The following MED27 variants were observed in gnomAD, a reference collection of about 807,000 sequenced individuals.
MED27 encodes mediator of RNA polymerase II transcription subunit 27.
A neutral mutation model predicts 38.2 loss-of-function variants in MED27; 30 were observed. The ratio of observed to expected loss-of-function variants is 0.79; its 90% CI spans 0.59 to 1.07. The LOEUF (loss-of-function observed/expected upper bound fraction) is 1.07, where lower values mean the gene tolerates loss of function less well. Among genes scored for constraint, MED27 ranks in the 50% least tolerant of loss-of-function variants. The probability of loss-of-function intolerance (pLI) is 0.00; values close to 1 mark genes in which losing one functional copy is unlikely to be tolerated. For synonymous variants in MED27, 122 were observed against 153.5 expected, an observed-to-expected ratio of 0.79 and a Z score of 1.52; for missense variants, 289 against 397.5, an observed-to-expected ratio of 0.73 and a Z score of 2.32.
intron 3 of MED27, among the ~76,000 whole-genome samples, chr9:131,985,417 T>TC (rs1472524894): frequency 6.6e-6 from 1 of 152,234 alleles, no homozygotes; most frequent in African/African-American, 2.4e-5. Flanking sequence ...TATAACACAG[T>TC]CAAGTGTCGC....
chr9:132,019,611 C>T (rs1443397934), intron 2 of MED27, among the ~76,000 whole-genome samples: 3 of 152,190 alleles, frequency 2.0e-5, no homozygotes, highest in Admixed American at 2.0e-4. Context: ...CCAATCTTCC[C>T]CCCTACCCAC....
chr9:132,007,529 G>A (rs576874227), intron 3 of MED27, among the ~76,000 whole-genome samples: 2 of 152,276 alleles, frequency 1.3e-5, no homozygotes, highest in East Asian at 1.9e-4. Flanking sequence ...TATCAGAACA[G>A]TAGTTGCCTG....
chr9:131,935,382 C>T (rs777025551), intron 4 of MED27, among the ~76,000 whole-genome samples: 2 of 152,100 alleles, frequency 1.3e-5, no homozygotes, highest in Non-Finnish European at 2.9e-5. Flanking sequence ...AAAATAAAAA[C>T]TTTCAAAACA....
At chr9:131,935,235 T>A (rs1179913651) in intron 4 of MED27, among the ~76,000 whole-genome samples, 1 of 152,152 alleles carries the variant, frequency 6.6e-6, no homozygotes, top group Non-Finnish European at 1.5e-5. Flanking sequence ...AATTGGATAA[T>A]TCATAAAACA....
chr9:131,975,456 G>A (rs1288728482), intron 3 of MED27, among the ~76,000 whole-genome samples: 1 of 152,186 alleles, frequency 6.6e-6, no homozygotes, highest in African/African-American at 2.4e-5. Flanking sequence ...TTCTCATCTT[G>A]TTTCTGCTTC....
intron 4 of MED27, among the ~76,000 whole-genome samples, chr9:131,914,043 T>C (rs1158927233): frequency 6.6e-6 from 1 of 152,222 alleles, no homozygotes; most frequent in Non-Finnish European, 1.5e-5. Flanking sequence ...AATAATGTGA[T>C]AAAATTATAT....
rs1427941006 is a variant in MED27 at position 131,889,158 on chromosome 9, G to A, written c.681+4727C>T. Among the ~76,000 whole-genome samples the A allele has an allele frequency of 1.3e-5, 2 of 152,032 alleles. No homozygotes were observed. Among genetic ancestry groups the A allele is most frequent in the Non-Finnish European group, 2.9e-5 (2 of 67,992 alleles). ...ATCAGATTCAGCTCCCCACCCCCTC[G>A]ACCCACATGCACACACACAGCCAAC... is the stretch of plus-strand genomic sequence containing the variant. On this transcript the variant is annotated intron_variant, in intron 5 of 7. Transcript: ENST00000292035. The surrounding 1 kb of genome is among the most constrained non-coding windows in gnomAD (Gnocchi z 4.2).
At chr9:132,040,704 C>T (rs548944135) in intron 2 of MED27, among the ~76,000 whole-genome samples, 8 of 152,320 alleles carry the variant, frequency 5.3e-5, no homozygotes, top group African/African-American at 1.2e-4. Flanking sequence ...ACAAAGTGCT[C>T]GGCTCCACCA....
intron 3 of MED27, among the ~76,000 whole-genome samples, chr9:132,011,332 C>A (rs770059294): frequency 1.4e-4 from 22 of 152,102 alleles, no homozygotes; most frequent in Non-Finnish European, 3.2e-4. Flanking sequence ...TTTCAGATAA[C>A]AAAAACATTA....
intron 4 of MED27, among the ~76,000 whole-genome samples, chr9:131,912,065 G>A (rs376756431): frequency 6.6e-6 from 1 of 152,130 alleles, no homozygotes; most frequent in East Asian, 1.9e-4. Flanking sequence ...CTACCACCCC[G>A]AGGAACTGAG....
At chr9:132,064,831 C>G (rs1200565681) in intron 2 of MED27, among the ~76,000 whole-genome samples, 1 of 152,156 alleles carries the variant, frequency 6.6e-6, no homozygotes, top group African/African-American at 2.4e-5. Flanking sequence ...TGTCATGGTC[C>G]TTTCTGACAG....
intron 3 of MED27, among the ~76,000 whole-genome samples, chr9:131,942,482 CT>C (rs1589225042): frequency 1.3e-5 from 2 of 152,184 alleles, no homozygotes; most frequent in Non-Finnish European, 2.9e-5. Context: ...ATCCACTGTC[CT>C]GTGTGAATGG....
At chr9:131,984,272 A>G (rs977691864) in intron 3 of MED27, among the ~76,000 whole-genome samples, 3 of 152,108 alleles carry the variant, frequency 2.0e-5, no homozygotes, top group African/African-American at 7.2e-5. Context: ...CATTCTGTAC[A>G]TGACTTCTGA....
At chr9:132,076,009 T>C (rs923215241) in intron 2 of MED27, among the ~76,000 whole-genome samples, 6 of 152,176 alleles carry the variant, frequency 3.9e-5, no homozygotes, top group African/African-American at 1.4e-4. Flanking sequence ...CTATCAAGTT[T>C]GGGCCAGAAT....
chr9:131,975,800 T>A (rs1831592491), intron 3 of MED27, among the ~76,000 whole-genome samples: 1 of 152,076 alleles, frequency 6.6e-6, no homozygotes, highest in African/African-American at 2.4e-5. Context: ...AAAACTAAGT[T>A]GAGTAAAAAA....
At chr9:131,978,470 T>A (rs1831658284) in intron 3 of MED27, among the ~76,000 whole-genome samples, 1 of 152,226 alleles carries the variant, frequency 6.6e-6, no homozygotes, top group Non-Finnish European at 1.5e-5. Context: ...GGGATAATAG[T>A]ATTATGGTTT....
intron 3 of MED27, among the ~76,000 whole-genome samples, chr9:131,977,607 A>AG (rs1314415598): frequency 6.6e-6 from 1 of 152,066 alleles, no homozygotes; most frequent in African/African-American, 2.4e-5. Flanking sequence ...GTCTCTCTGG[A>AG]GGGGGTTCTG....
At chr9:131,867,273 A>C (rs545466458) in intron 6 of MED27, among the ~76,000 whole-genome samples, 1 of 152,244 alleles carries the variant, frequency 6.6e-6, no homozygotes, top group East Asian at 1.9e-4. Context: ...ACAGGAGCTG[A>C]GGACCTGGGC....
chr9:132,038,657 G>T (rs1023378946), intron 2 of MED27, among the ~76,000 whole-genome samples: 30 of 152,220 alleles, frequency 2.0e-4, no homozygotes, highest in African/African-American at 6.8e-4. Flanking sequence ...GTTAAATGTG[G>T]TGCTTACTGA....
Sources: gnomAD v4.1 joint callset for allele counts (sites outside exome capture counted in the v4.1 genomes callset) on GRCh38, gnomAD v4.1.1 for gene constraint, Gnocchi (gnomAD v3.1) non-coding constraint, MANE v1.5 for transcripts, NCBI Gene and HGNC (gene_info 2026-07-23, HGNC 2026-07-21) for gene names.